The following OPHN1 variants were observed in gnomAD, a reference collection of about 807,000 sequenced individuals.
OPHN1 encodes oligophrenin 1.
Under a neutral mutation model 60.7 loss-of-function variants are expected in OPHN1, and 11 were observed. The observed-to-expected ratio is 0.18, with a 90% CI of 0.11 to 0.30. The LOEUF (loss-of-function observed/expected upper bound fraction) is 0.30, where lower values mean the gene tolerates loss of function less well. Ranked by LOEUF, OPHN1 falls within the 10% of genes least tolerant of loss-of-function variation. The pLI is 1.00. For missense variants in OPHN1, 449 were observed against 611.0 expected, an observed-to-expected ratio of 0.73 and a Z score of 2.80; for synonymous variants, 226 against 222.6, an observed-to-expected ratio of 1.02 and a Z score of -0.14.
rs2077958384 is a variant in OPHN1, at chrX:68,270,006, C to G, written c.384+4732G>C. Among the ~76,000 whole-genome samples the G allele has an allele frequency of 2.7e-5, 3 of 111,721 alleles. No individual in the cohort carries two copies. In the South Asian group the frequency reaches 1.1e-3, roughly 42 times the overall value. ...GGAAAAAATGCTCATCGTCACTGGTCATCAGAGAAATGCAAATCAAAACCA... is the reference window on the plus strand; with the variant it reads ...GGAAAAAATGCTCATCGTCACTGGTGATCAGAGAAATGCAAATCAAAACCA... On this transcript the variant is annotated intron_variant, in intron 5 of 24. Transcript: ENST00000355520.
chrX:68,382,598 T>G (rs1401434758), intron 2 of OPHN1, among the ~76,000 whole-genome samples: 2 of 111,229 alleles, frequency 1.8e-5, no homozygotes, highest in Admixed American at 9.6e-5. Context: ...CCAAATATTA[T>G]TATTATTGAT....
chrX:68,262,655 C>T (rs2077899102), intron 5 of OPHN1, among the ~76,000 whole-genome samples: 1 of 111,970 alleles, frequency 8.9e-6, no homozygotes, highest in African/African-American at 3.2e-5. Flanking sequence ...GGTGTGGTGG[C>T]ACATGCCTGT....
At chrX:68,335,113 C>T (rs1346177596) in intron 2 of OPHN1, among the ~76,000 whole-genome samples, 2 of 108,409 alleles carry the variant, frequency 1.8e-5, no homozygotes, top group East Asian at 2.9e-4. Flanking sequence ...GACATAAGCG[C>T]TCTAGCCTCA....
intron 6 of OPHN1, among the ~76,000 whole-genome samples, chrX:68,230,919 AAAG>A (rs1469256418): frequency 3.6e-5 from 4 of 111,788 alleles, no homozygotes; most frequent in Non-Finnish European, 5.6e-5. Flanking sequence ...ATAATAAAAA[AAAG>A]AAGATGAAGA....
chrX:68,078,076 T>TTC (rs1292972456), intron 19 of OPHN1, among the ~76,000 whole-genome samples: 2 of 110,067 alleles, frequency 1.8e-5, no homozygotes, highest in Non-Finnish European at 3.8e-5. Flanking sequence ...TAAATCCCCC[T>TTC]TCTCTCTCTC....
At chrX:68,226,685 G>C (rs1301482098) in intron 6 of OPHN1, among the ~76,000 whole-genome samples, 1 of 111,551 alleles carries the variant, frequency 9.0e-6, no homozygotes, top group Non-Finnish European at 1.9e-5. Context: ...AATGCTGAGA[G>C]ATTCTGTCAC....
intron 2 of OPHN1, among the ~76,000 whole-genome samples, chrX:68,394,794 G>A (rs1364166219): frequency 2.7e-5 from 3 of 110,724 alleles, no homozygotes; most frequent in East Asian, 2.8e-4. Context: ...CTACAGGCAC[G>A]CGCTACCACG....
chrX:68,401,218 G>C (rs2044066185), intron 2 of OPHN1, among the ~76,000 whole-genome samples: 1 of 111,941 alleles, frequency 8.9e-6, no homozygotes, highest in African/African-American at 3.2e-5. Context: ...AAAGAAGGAA[G>C]GGAGATATTC....
At chrX:68,394,135 T>C (rs997640473) in intron 2 of OPHN1, among the ~76,000 whole-genome samples, 1 of 109,997 alleles carries the variant, frequency 9.1e-6, no homozygotes, top group African/African-American at 3.3e-5. Context: ...GACCTCGTGA[T>C]CCGCCCGCCT....
At chrX:68,196,904 G>A (rs1010157408) in intron 12 of OPHN1, among the ~76,000 whole-genome samples, 2 of 111,743 alleles carry the variant, frequency 1.8e-5, no homozygotes, top group Non-Finnish European at 3.8e-5. Flanking sequence ...AAGCTCATGG[G>A]CATAGCTACA....
intron 15 of OPHN1, among the ~76,000 whole-genome samples, chrX:68,159,326 T>C (rs755133102): frequency 9.0e-6 from 1 of 111,547 alleles, no homozygotes; most frequent in South Asian, 3.8e-4. Flanking sequence ...CACCTATGGC[T>C]GGAGCAAGCA....
intron 11 of OPHN1, among the ~76,000 whole-genome samples, chrX:68,200,263 A>C (rs764414506): frequency 3.6e-5 from 4 of 111,442 alleles, no homozygotes; most frequent in African/African-American, 9.8e-5. Context: ...AGATGCATCA[A>C]AACTTTAATC....
intron 9 of OPHN1, among the ~76,000 whole-genome samples, chrX:68,208,308 C>G (rs781410755): frequency 9.0e-6 from 1 of 110,542 alleles, no homozygotes; most frequent in Non-Finnish European, 1.9e-5. Flanking sequence ...CCAGGCTGGT[C>G]TCAAACTCCT....
At chrX:68,364,105 C>T (rs1323881195) in intron 2 of OPHN1, among the ~76,000 whole-genome samples, 1 of 111,652 alleles carries the variant, frequency 9.0e-6, no homozygotes, top group East Asian at 2.8e-4. Context: ...TTAATAAGAA[C>T]GCATTCTTCA....
intron 3 of OPHN1, among the ~76,000 whole-genome samples, chrX:68,285,188 C>T (rs1377527246): frequency 9.0e-6 from 1 of 111,141 alleles, no homozygotes; most frequent in Non-Finnish European, 1.9e-5. Flanking sequence ...GACAAGGCTG[C>T]CTTATTATTA....
At chrX:68,268,462 G>C (rs1463627207) in intron 5 of OPHN1, among the ~76,000 whole-genome samples, 2 of 111,563 alleles carry the variant, frequency 1.8e-5, no homozygotes, top group African/African-American at 6.5e-5. Flanking sequence ...ACGTAATCCA[G>C]CATATAAACA....
chrX:68,284,418 C>A (rs2078031547), intron 3 of OPHN1, among the ~76,000 whole-genome samples: 1 of 110,598 alleles, frequency 9.0e-6, no homozygotes, highest in Non-Finnish European at 1.9e-5. Flanking sequence ...CCACTGGAAG[C>A]TTCCTGAGGT....
intron 5 of OPHN1, among the ~76,000 whole-genome samples, chrX:68,263,891 T>C (rs1428626156): frequency 1.8e-5 from 2 of 112,388 alleles, no homozygotes; most frequent in African/African-American, 6.5e-5. Flanking sequence ...ATATTTTCTA[T>C]TTTTTCAAAC....
chrX:68,283,683 A>C (rs1602296209), intron 3 of OPHN1, among the ~76,000 whole-genome samples: 2 of 112,311 alleles, frequency 1.8e-5, no homozygotes, highest in South Asian at 7.3e-4. Context: ...ATACAAAAAA[A>C]AGTAAGTTAA....
Sources: allele counts gnomAD v4.1 joint callset (sites outside exome capture counted in the v4.1 genomes callset), GRCh38; gene constraint gnomAD v4.1.1; transcripts MANE v1.5; gene names NCBI Gene and HGNC (gene_info 2026-07-23, HGNC 2026-07-21).